The following FRMD4A variants were observed in gnomAD, a reference collection of about 807,000 sequenced individuals.
FRMD4A encodes the protein FERM domain-containing protein 4A.
In FRMD4A, 29 loss-of-function variants were observed where a neutral mutation model predicts 129.1. That is an observed-to-expected ratio of 0.22 (90% CI 0.17 to 0.31). The LOEUF is 0.31. FRMD4A is among the 10% of genes least tolerant of loss of function. FRMD4A has a pLI of 1.00. For missense variants in FRMD4A, 1,272 were observed against 1,375.8 expected, an observed-to-expected ratio of 0.92 and a Z score of 1.19; for synonymous variants, 634 against 571.6, an observed-to-expected ratio of 1.11 and a Z score of -1.56.
At chr10:13,945,289 T>C (rs1243512101) in intron 2 of FRMD4A, among the ~76,000 whole-genome samples, 1 of 152,244 alleles carries the variant, frequency 6.6e-6, no homozygotes, top group Non-Finnish European at 1.5e-5. Flanking sequence ...AGGGTCTGTA[T>C]GGTTAGTCTT....
chr10:13,688,745 G>A (rs1484686136), intron 15 of FRMD4A, among the ~76,000 whole-genome samples: 5 of 151,942 alleles, frequency 3.3e-5, no homozygotes, highest in South Asian at 2.1e-4. Flanking sequence ...ACAGAGTCTC[G>A]CTCTGTCTCA....
chr10:14,104,305 G>A (rs770044130), intron 2 of FRMD4A, among the ~76,000 whole-genome samples: 66 of 152,148 alleles, frequency 4.3e-4, no homozygotes, highest in Non-Finnish European at 7.8e-4. Context: ...ACGTTACACC[G>A]CCATCAAGGT....
Position 14,094,959 on chromosome 10 carries a change from C to G in FRMD4A, c.45+235099G>C, listed in dbSNP as rs1053600694. On this transcript the variant is annotated intron_variant, in intron 2 of 24. Coordinates refer to ENST00000357447, the MANE Select transcript of FRMD4A (RefSeq NM_018027.5). ...TGTATGTATGTGGGTGTGTGTCAAC[C>G]AAGAGTGTGGGGGGGAACCAAGAGA... Among the ~76,000 whole-genome samples, 6 of 151,970 alleles carry G rather than the reference C, an allele frequency of 3.9e-5. No individual in the cohort carries two copies. In the South Asian group the frequency reaches 6.2e-4, roughly 16 times the overall value.
At chr10:13,978,957 T>C (rs992484298) in intron 2 of FRMD4A, among the ~76,000 whole-genome samples, 1 of 152,114 alleles carries the variant, frequency 6.6e-6, no homozygotes, top group African/African-American at 2.4e-5. Context: ...ATAAAAGTGA[T>C]GTCATCTATC....
At chr10:13,647,547 C>T (rs2081205142) in intron 24 of FRMD4A, 1 of 152,024 alleles carries the variant, frequency 6.6e-6, no homozygotes, top group Non-Finnish European at 1.5e-5. Flanking sequence ...TTTATTCTGT[C>T]CTGGAAGAAC....
chr10:13,846,841 T>A (rs950334642), intron 3 of FRMD4A, among the ~76,000 whole-genome samples: 1 of 152,086 alleles, frequency 6.6e-6, no homozygotes, highest in African/African-American at 2.4e-5. Flanking sequence ...CCTGGAAGGA[T>A]GGATACTCTG....
chr10:13,795,116 C>T (rs973630736), intron 5 of FRMD4A, among the ~76,000 whole-genome samples: 10 of 152,172 alleles, frequency 6.6e-5, no homozygotes, highest in African/African-American at 2.2e-4. Flanking sequence ...TGGGGAGAGC[C>T]TGATATATGG....
intron 2 of FRMD4A, among the ~76,000 whole-genome samples, chr10:14,155,408 G>A (rs1478101567): frequency 1.3e-5 from 2 of 152,112 alleles, no homozygotes; most frequent in East Asian, 1.9e-4. Flanking sequence ...CCAGCACTGG[G>A]GGCAATAAAT....
intron 2 of FRMD4A, among the ~76,000 whole-genome samples, chr10:13,921,133 G>T (rs556559163): frequency 2.6e-5 from 4 of 152,322 alleles, no homozygotes; most frequent in African/African-American, 9.6e-5. Flanking sequence ...TCCCCTTGCA[G>T]ACGGCTGCCT....
chr10:13,704,506 C>T (rs1342547643), intron 13 of FRMD4A, among the ~76,000 whole-genome samples: 4 of 152,142 alleles, frequency 2.6e-5, no homozygotes, highest in African/African-American at 9.7e-5. Flanking sequence ...TGAGGCCCTA[C>T]CACGTGGCTT....
At chr10:13,915,611 G>A (rs1760819181) in intron 2 of FRMD4A, among the ~76,000 whole-genome samples, 1 of 151,264 alleles carries the variant, frequency 6.6e-6, no homozygotes, top group Admixed American at 6.6e-5. Context: ...GGCGGAGCTT[G>A]CAGTGAGCCG....
intron 2 of FRMD4A, among the ~76,000 whole-genome samples, chr10:14,099,699 C>A (rs1200989606): frequency 6.6e-6 from 1 of 152,194 alleles, no homozygotes; most frequent in Non-Finnish European, 1.5e-5. Context: ...AATAAATTTT[C>A]AAAAGAGTGG....
chr10:13,884,210 A>ACACACACACACACACT (rs2094590117), intron 2 of FRMD4A, among the ~76,000 whole-genome samples: 1 of 80,710 alleles, frequency 1.2e-5, no homozygotes, highest in African/African-American at 4.6e-5. Flanking sequence ...ACACACACTC[A>ACACACACACACACACT]CACACACACA....
chr10:13,740,109 G>A (rs11595190), intron 11 of FRMD4A, 85 bp downstream of exon 11: 63,826 of 839,152 alleles, frequency 0.076, 2,392 homozygotes, highest in Middle Eastern at 0.098. Flanking sequence ...AAAAGAAAAA[G>A]AAAAAGAAGA....
intron 2 of FRMD4A, among the ~76,000 whole-genome samples, chr10:13,875,025 C>T (rs992165759): frequency 4.6e-5 from 7 of 152,014 alleles, no homozygotes; most frequent in African/African-American, 1.7e-4. Context: ...TCCGTCAATA[C>T]CCCAGGGAAG....
chr10:13,856,050 C>CTATT (rs2094208597), intron 3 of FRMD4A, among the ~76,000 whole-genome samples: 1 of 143,894 alleles, frequency 6.9e-6, no homozygotes, highest in African/African-American at 2.5e-5. Flanking sequence ...ATCTATCTAT[C>CTATT]TATCTATCTA....
intron 2 of FRMD4A, among the ~76,000 whole-genome samples, chr10:14,185,717 T>G (rs1842110043): frequency 6.6e-6 from 1 of 152,110 alleles, no homozygotes; most frequent in Non-Finnish European, 1.5e-5. Flanking sequence ...CCTTCAGTAG[T>G]TCTAGAGAGA....
chr10:13,740,851 G>A (rs1364472223), intron 9 of FRMD4A, among the ~76,000 whole-genome samples: 10 of 128,760 alleles, frequency 7.8e-5, no homozygotes, highest in Admixed American at 4.0e-4. Flanking sequence ...TTTTGAGACG[G>A]AGTCTTGCTC....
intron 2 of FRMD4A, among the ~76,000 whole-genome samples, chr10:14,153,984 G>A (rs891312423): frequency 3.3e-5 from 5 of 149,860 alleles, no homozygotes; most frequent in South Asian, 2.1e-4. Flanking sequence ...CGGCCATGAC[G>A]GGGTCGCGGC....
Sources: allele counts gnomAD v4.1 joint callset (sites outside exome capture counted in the v4.1 genomes callset), GRCh38; gene constraint gnomAD v4.1.1; transcripts MANE v1.5; gene names NCBI Gene and HGNC (gene_info 2026-07-23, HGNC 2026-07-21).